MPST: variants seen among roughly 807,000 people sequenced by gnomAD.
MPST encodes 3-mercaptopyruvate sulfurtransferase.
Under a neutral mutation model 28.5 loss-of-function variants are expected in MPST, and 27 were observed. The ratio of observed to expected loss-of-function variants is 0.95; its 90% CI spans 0.70 to 1.31. MPST has a LOEUF of 1.31. MPST is among the 50% of genes most tolerant of loss of function. MPST has a pLI of 0.00. For synonymous variants in MPST, 204 were observed against 209.3 expected, an observed-to-expected ratio of 0.97 and a Z score of 0.22; for missense variants, 492 against 471.1, an observed-to-expected ratio of 1.04 and a Z score of -0.41.
At position 37,024,826 on chromosome 22, in the gene MPST, G is replaced by C. The variant is rs748149731; in HGVS notation, c.655+16G>C. 17 of 1,603,720 alleles carry C rather than the reference G, an allele frequency of 1.1e-5. No homozygotes were observed. In the East Asian group the frequency reaches 1.3e-4, roughly 13 times the overall value. On this transcript the variant is annotated intron_variant, in intron 2 of 2. Transcript: ENST00000429360. The stretch of plus-strand genomic sequence containing the variant: ...CCCCGAGACGGTAACGCGGGGGAAG[G>C]GGGCAGGAGGTCGTCGGGGGCGCGG...
rs1337863135 is a variant in MPST at position 37,024,244 on chromosome 22, T to A, written c.89T>A (p.Leu30Gln). 7.0e-7 allele frequency: 1 copy of A among 1,422,798 alleles called. No individual in the cohort carries two copies. 88.1% of individuals were successfully genotyped at this position (1,422,798 alleles called of 1,614,324 possible). A position where few individuals can be genotyped will look rare whatever the true frequency, so the allele number is the denominator to read the frequency against. Residue 30 changes from leucine (L) to glutamine (Q), a missense_variant, in exon 2 of 3, where the codon CTG becomes CAG. Transcript: ENST00000429360. ...AMASPQLCRALVSAQWVAEAL... is the reference protein window; with the variant it reads ...AMASPQLCRAQVSAQWVAEAL... ...GCTTCGCCGCAGCTCTGCCGCGCGC[T>A]GGTGTCGGCGCAATGGGTGGCGGAG... is the stretch of plus-strand genomic sequence containing the variant.
intron 2 of MPST, chr22:37,028,927 T>G: frequency 2.5e-6 from 1 of 397,082 alleles, no homozygotes; most frequent in Non-Finnish European, 4.6e-6. Flanking sequence ...CTAGGGTGCA[T>G]AGTCAGGAAA....
At chr22:37,025,016 G>A (rs562495783) in intron 2 of MPST, 14 of 1,484,146 alleles carry the variant, frequency 9.4e-6, no homozygotes, top group South Asian at 7.3e-5. Flanking sequence ...TGGCTCTACC[G>A]CCCAGGCTGG....
Position 37,024,192 on chromosome 22 carries a change from G to A in MPST, c.37G>A (p.Ala13Thr), listed in dbSNP as rs1233761155. ...EPGSRESETR[A>T]RSPSVAAMAS... The stretch of plus-strand genomic sequence containing the variant: ...TTCTGACATCCTCCCTGTCGCCCAG[G>A]CCCGCAGCCCGAGTGTCGCCGCCAT... The change falls in exon 2 of 3, where the codon GCC becomes ACC. Residue 13 changes from alanine (A) to threonine (T), a missense_variant and splice_region_variant. Ala to Thr is a moderately conservative substitution (Grantham distance 58). Transcript: ENST00000429360. 7.3e-7 allele frequency: 1 copy of A among 1,375,702 alleles called. No individual in the cohort carries two copies. The allele number at this position is 1,375,702 out of a possible 1,614,324, so 85.2% of individuals were successfully genotyped here.
intron 2 of MPST, chr22:37,025,340 C>T (rs2145920418): frequency 2.6e-6 from 1 of 379,800 alleles, no homozygotes; most frequent in African/African-American, 2.1e-5. Flanking sequence ...GAGAAAAACC[C>T]AGAGGGATGG....
chr22:37,024,443 G>T lies in MPST; in HGVS notation c.288G>T (p.Leu96=), dbSNP rs1459840587. Residue 96 remains leucine (L), a synonymous_variant, in exon 2 of 3, where the codon CTG becomes CTT. Transcript: ENST00000429360. ...SDRTSPYDHM[L]PGAEHFAEYA... Reference sequence around the variant, plus strand: ...GCACCTCGCCCTACGACCACATGCTGCCCGGGGCCGAGCATTTCGCGGAGT... The same window carrying T: ...GCACCTCGCCCTACGACCACATGCTTCCCGGGGCCGAGCATTTCGCGGAGT... 1.6e-5 allele frequency: 25 copies of T among 1,546,658 alleles called. No homozygotes were observed. The highest frequency in any genetic ancestry group is 2.7e-5 in the African/African-American group (2 of 73,234).
At chr22:37,020,889 G>C (rs1923018269) in intron 1 of MPST, among the ~76,000 whole-genome samples, 1 of 152,126 alleles carries the variant, frequency 6.6e-6, no homozygotes, top group Non-Finnish European at 1.5e-5. Flanking sequence ...GAACTCCTGG[G>C]CTCAAGTGAT....
rs753759438 is a variant in MPST at position 37,024,519 on chromosome 22, G to C, written c.364G>C (p.Ala122Pro). 2 of 1,566,012 alleles carry C rather than the reference G, an allele frequency of 1.3e-6. No individual in the cohort carries two copies. Among genetic ancestry groups the C allele is most frequent in the African/African-American group, 1.4e-5 (1 of 73,992 alleles). ...GGCCACCCACGTCGTGATCTACGAC[G>C]CCAGCGACCAGGGCCTCTACTCCGC... ...GAATHVVIYD[A>P]SDQGLYSAPR... Residue 122 changes from alanine to proline, a missense_variant, in exon 2 of 3, where the codon GCC becomes CCC. By Grantham distance (27) the Ala-to-Pro change is conservative. Coordinates refer to ENST00000429360, the MANE Select transcript of MPST (RefSeq NM_021126.8).
Position 37,024,469 on chromosome 22 carries a change from A to G in MPST, c.314A>G (p.Tyr105Cys), listed in dbSNP as rs747813616. 21 of 1,556,870 alleles carry G rather than the reference A, an allele frequency of 1.3e-5. No individual in the cohort carries two copies. Among genetic ancestry groups the G allele is most frequent in the African/African-American group, 4.1e-5 (3 of 73,594 alleles). The change falls in exon 2 of 3, where the codon TAC (tyrosine) becomes TGC (cysteine). Residue 105 changes from tyrosine to cysteine, a missense_variant. Tyr to Cys is a radical substitution (Grantham distance 194, BLOSUM62 -2). Coordinates refer to ENST00000429360, the MANE Select transcript of MPST (RefSeq NM_021126.8). ...MLPGAEHFAEYAGRLGVGAAT... is the reference protein window; with the variant it reads ...MLPGAEHFAECAGRLGVGAAT... ...CCCGGGGCCGAGCATTTCGCGGAGT[A>G]CGCAGGCCGCCTGGGCGTGGGCGCG...
intron 1 of MPST, among the ~76,000 whole-genome samples, chr22:37,022,819 C>T (rs1923172375): frequency 6.6e-6 from 1 of 152,236 alleles, no homozygotes; most frequent in Admixed American, 6.5e-5. Context: ...TTGGGCCTCA[C>T]ACAGGGGATA....
rs1601464590 is a variant in MPST, at chr22:37,029,411, G to A, written c.851G>A (p.Cys284Tyr). ...ACHVALGAYLCGKPDVPIYDG... is the reference protein window; with the variant it reads ...ACHVALGAYLYGKPDVPIYDG... ...CACGTGGCACTAGGGGCCTACCTCTGCGGCAAGCCAGACGTGCCCATCTAC... is the reference window on the plus strand; with the variant it reads ...CACGTGGCACTAGGGGCCTACCTCTACGGCAAGCCAGACGTGCCCATCTAC... The change falls in exon 3 of 3, where the codon TGC (cysteine) becomes TAC (tyrosine). Residue 284 changes from cysteine (C) to tyrosine (Y), a missense_variant. Coordinates refer to ENST00000429360, the MANE Select transcript of MPST (RefSeq NM_021126.8). 1 of 1,613,942 alleles carries A rather than the reference G, an allele frequency of 6.2e-7. No individual in the cohort carries two copies. Among genetic ancestry groups the A allele is most frequent in the Non-Finnish European group, 8.5e-7 (1 of 1,180,032 alleles).
intron 1 of MPST, chr22:37,023,900 C>CA (rs1923260808): frequency 6.6e-7 from 1 of 1,504,696 alleles, no homozygotes; most frequent in Non-Finnish European, 8.9e-7. Flanking sequence ...AGGATACCTC[C>CA]ACCCACCCTC....
rs540408538 is a variant in MPST at position 37,029,766 on chromosome 22, C to T, written c.*252C>T. 148 of 548,696 alleles carry T rather than the reference C, an allele frequency of 2.7e-4. No homozygotes were observed. In the East Asian group the frequency reaches 3.3e-3, roughly 12 times the overall value. The allele number at this position is 548,696 out of a possible 1,614,324, so 34.0% of individuals were successfully genotyped here. A position where few individuals can be genotyped will look rare whatever the true frequency, so the allele number is the denominator to read the frequency against. On this transcript the variant is annotated 3_prime_UTR_variant, in exon 3 of 3. Transcript: ENST00000429360. ...CCCACCTGGTGCTGAGCTGGGGCCCCGCCTCCTTTCTGTTTTATTTTTGAG... is the reference window on the plus strand; with the variant it reads ...CCCACCTGGTGCTGAGCTGGGGCCCTGCCTCCTTTCTGTTTTATTTTTGAG...
At chr22:37,026,729 G>A (rs1001592428) in intron 2 of MPST, 1 of 152,306 alleles carries the variant, frequency 6.6e-6, no homozygotes, top group Admixed American at 6.5e-5. Context: ...AACTGTGTCT[G>A]TTAGGTGGGA....
chr22:37,024,396 G>C lies in MPST; in HGVS notation c.241G>C (p.Asp81His), dbSNP rs1442526745. Residue 81 changes from aspartate (D) to histidine (H), a missense_variant, in exon 2 of 3, where the codon GAC (aspartate) becomes CAC (histidine). Asp to His is a moderately conservative substitution (Grantham distance 81, BLOSUM62 -1). Transcript: ENST00000429360. ...CCACATCCCGGGCGCCGCTTTCTTC[G>C]ACATCGACCAGTGCAGCGACCGCAC... ...ERHIPGAAFF[D>H]IDQCSDRTSP... The C allele has an allele frequency of 3.2e-6, 5 of 1,544,626 alleles. 1 individual carries two copies. The highest frequency in any genetic ancestry group is 1.7e-4 in the Middle Eastern group (1 of 5,958).
intron 2 of MPST, chr22:37,028,530 CAA>C (rs561525740): frequency 1.9e-4 from 21 of 109,252 alleles, no homozygotes; most frequent in Admixed American, 2.8e-4. Flanking sequence ...AACTCCATCT[CAA>C]AAAAAAAAAA....
At chr22:37,029,113 C>T in intron 2 of MPST, 103 bp from the exon 3 acceptor site, 1 of 1,078,770 alleles carries the variant, frequency 9.3e-7, no homozygotes, top group Admixed American at 2.5e-5. Flanking sequence ...GATTTAGCAC[C>T]ATGCTTGCAT....
rs149591803 is a variant in MPST, at chr22:37,022,737, C to T, written c.37-1455C>T. 1.1e-3 allele frequency among the ~76,000 whole-genome samples: 173 copies of T among 152,346 alleles called. 1 individual carries two copies. Among genetic ancestry groups the T allele is most frequent in the Non-Finnish European group, 2.0e-3 (136 of 68,028 alleles). ...ATGTGACCTGGCCCACAGAGGCACT[C>T]GGTCCACAGATGTTGTTCTCTACCT... On this transcript the variant is annotated intron_variant, in intron 1 of 2. Coordinates refer to ENST00000429360, the MANE Select transcript of MPST (RefSeq NM_021126.8).
At position 37,029,342 on chromosome 22, in the gene MPST, C is replaced by G; in HGVS notation, c.782C>G (p.Ser261Cys). ...TTCCAGGAGAAGAAAGTGGACCTGT[C>G]TAAGCCACTGGTGGCCACGTGTGGC... is the stretch of plus-strand genomic sequence containing the variant. ...HLFQEKKVDL[S>C]KPLVATCGSG... Residue 261 changes from serine to cysteine, a missense_variant, in exon 3 of 3, where the codon TCT (serine) becomes TGT (cysteine). Coordinates refer to ENST00000429360, the MANE Select transcript of MPST (RefSeq NM_021126.8). 2 of 1,614,170 alleles carry G rather than the reference C, an allele frequency of 1.2e-6. No homozygotes were observed. The highest frequency in any genetic ancestry group is 1.7e-6 in the Non-Finnish European group (2 of 1,180,040).
Sources: gnomAD v4.1 joint callset for allele counts (sites outside exome capture counted in the v4.1 genomes callset) on GRCh38, gnomAD v4.1.1 for gene constraint, MANE v1.5 for transcripts, NCBI Gene and HGNC (gene_info 2026-07-23, HGNC 2026-07-21) for gene names.